The following TBC1D5 variants were observed in gnomAD, a reference collection of about 807,000 sequenced individuals.
TBC1D5 encodes TBC1 domain family member 5, also known as TBC1 domain family, member 5.
TBC1D5 carries 75 observed loss-of-function variants against 100.3 expected under a neutral mutation model. That is an observed-to-expected ratio of 0.75 (90% CI 0.62 to 0.91). The LOEUF is 0.91. TBC1D5 is among the 40% of genes least tolerant of loss of function. The pLI is 0.00. For missense variants in TBC1D5, 910 were observed against 942.4 expected, an observed-to-expected ratio of 0.97 and a Z score of 0.45; for synonymous variants, 323 against 325.6, an observed-to-expected ratio of 0.99 and a Z score of 0.09.
intron 3 of TBC1D5, among the ~76,000 whole-genome samples, chr3:17,461,828 T>C (rs1315059362): frequency 3.3e-5 from 5 of 152,190 alleles, no homozygotes; most frequent in Non-Finnish European, 5.9e-5. Flanking sequence ...CCTTATTTTA[T>C]ATCATCCCTT....
intron 1 of TBC1D5, among the ~76,000 whole-genome samples, chr3:17,625,465 C>T (rs757906523): frequency 3.3e-5 from 5 of 151,906 alleles, no homozygotes; most frequent in African/African-American, 4.8e-5. Context: ...TTTACATCAA[C>T]GATATTTAAT....
intron 2 of TBC1D5, among the ~76,000 whole-genome samples, chr3:17,529,224 G>A (rs2096182659): frequency 2.6e-5 from 4 of 152,170 alleles, no homozygotes; most frequent in Admixed American, 2.0e-4. Context: ...AGTCGCTACT[G>A]TCCCTGAGCT....
chr3:17,670,797 CA>C (rs2067852850), intron 1 of TBC1D5, among the ~76,000 whole-genome samples: 2 of 152,176 alleles, frequency 1.3e-5, no homozygotes, highest in South Asian at 4.1e-4. Flanking sequence ...TCATAGCATT[CA>C]AAACAATGAG....
chr3:17,618,540 G>A (rs2062379332), intron 2 of TBC1D5, among the ~76,000 whole-genome samples: 1 of 152,230 alleles, frequency 6.6e-6, no homozygotes, highest in Non-Finnish European at 1.5e-5. Flanking sequence ...AACTTGCTGA[G>A]CTGCACTGGG....
intron 2 of TBC1D5, among the ~76,000 whole-genome samples, chr3:17,617,320 T>C (rs2062257423): frequency 6.6e-6 from 1 of 152,210 alleles, no homozygotes; most frequent in African/African-American, 2.4e-5. Context: ...TTAACATTTT[T>C]TCCTTCATTT....
intron 2 of TBC1D5, among the ~76,000 whole-genome samples, chr3:17,598,511 G>C (rs1281973885): frequency 6.6e-6 from 1 of 152,022 alleles, no homozygotes; most frequent in Non-Finnish European, 1.5e-5. Flanking sequence ...TTGTTTCAGA[G>C]TTCTTTTTTT....
intron 9 of TBC1D5, among the ~76,000 whole-genome samples, chr3:17,382,355 C>G (rs2092980747): frequency 6.6e-6 from 1 of 151,890 alleles, no homozygotes; most frequent in Non-Finnish European, 1.5e-5. Context: ...ATTATATTAT[C>G]TCCGTTAAAA....
At chr3:17,254,939 A>G (rs1487397597) in intron 16 of TBC1D5, among the ~76,000 whole-genome samples, 1 of 152,172 alleles carries the variant, frequency 6.6e-6, no homozygotes, top group Non-Finnish European at 1.5e-5. Context: ...TGAGTGTGGG[A>G]GTAGAATCAA....
chr3:17,395,144 C>T (rs983459444), intron 8 of TBC1D5, among the ~76,000 whole-genome samples: 1 of 151,982 alleles, frequency 6.6e-6, no homozygotes, highest in African/African-American at 2.4e-5. Flanking sequence ...GCAGGTGTGG[C>T]TGCAGTTCAG....
intron 2 of TBC1D5, among the ~76,000 whole-genome samples, chr3:17,540,206 T>C (rs1426894573): frequency 1.3e-5 from 2 of 152,230 alleles, no homozygotes; most frequent in African/African-American, 2.4e-5. Context: ...TGTTGAGTTG[T>C]AGGAATTCTC....
At chr3:17,716,284 C>G (rs1261900501) in intron 1 of TBC1D5, among the ~76,000 whole-genome samples, 2 of 152,080 alleles carry the variant, frequency 1.3e-5, no homozygotes, top group Non-Finnish European at 2.9e-5. Context: ...CCAAAGTGTT[C>G]CTTACTAAGA....
intron 14 of TBC1D5, among the ~76,000 whole-genome samples, chr3:17,299,475 T>C (rs918777892): frequency 1.3e-5 from 2 of 152,212 alleles, no homozygotes; most frequent in African/African-American, 2.4e-5. Context: ...CATTATACAT[T>C]GGTCCAAACA....
At chr3:17,596,932 A>T (rs1325008949) in intron 2 of TBC1D5, among the ~76,000 whole-genome samples, 3 of 152,248 alleles carry the variant, frequency 2.0e-5, no homozygotes, top group Admixed American at 6.5e-5. Context: ...CATTAACCTG[A>T]TCTATTGGCA....
At chr3:17,717,049 C>G (rs553599193) in intron 1 of TBC1D5, among the ~76,000 whole-genome samples, 38 of 152,146 alleles carry the variant, frequency 2.5e-4, no homozygotes, top group Admixed American at 6.5e-4. Context: ...ATGTAAAACT[C>G]TCAGAGGAAA....
intron 2 of TBC1D5, among the ~76,000 whole-genome samples, chr3:17,531,245 G>C (rs1051864582): frequency 5.3e-5 from 8 of 152,150 alleles, no homozygotes; most frequent in African/African-American, 1.9e-4. Flanking sequence ...TTGCTTCAAA[G>C]AGAATAAAAT....
intron 3 of TBC1D5, among the ~76,000 whole-genome samples, chr3:17,504,774 A>G (rs1289251758): frequency 6.6e-6 from 1 of 152,218 alleles, no homozygotes; most frequent in East Asian, 1.9e-4. Context: ...CTTTAGCCAG[A>G]TATCTAGATA....
chr3:17,275,498 CCACTGCTCTCCAG>C (rs2079884972), intron 15 of TBC1D5, among the ~76,000 whole-genome samples: 1 of 152,106 alleles, frequency 6.6e-6, no homozygotes, highest in Non-Finnish European at 1.5e-5. Flanking sequence ...TATGATTGTG[CCACTGCTCTCCAG>C]CATGGGCCAC....
chr3:17,402,825 GA>G (rs1331727481), intron 8 of TBC1D5, among the ~76,000 whole-genome samples: 3 of 152,112 alleles, frequency 2.0e-5, no homozygotes, highest in African/African-American at 7.2e-5. Context: ...AACTTGGTTA[GA>G]AAGGGATTCA....
chr3:17,523,234 C>T (rs2096082892), intron 2 of TBC1D5, among the ~76,000 whole-genome samples: 1 of 152,162 alleles, frequency 6.6e-6, no homozygotes, highest in Non-Finnish European at 1.5e-5. Context: ...TGAAGTGAAC[C>T]TTCTTCAGAA....
Sources: allele counts gnomAD v4.1 joint callset (sites outside exome capture counted in the v4.1 genomes callset), GRCh38; gene constraint gnomAD v4.1.1; transcripts MANE v1.5; gene names NCBI Gene and HGNC (gene_info 2026-07-23, HGNC 2026-07-21).